ANKRD26: variants seen among roughly 807,000 people sequenced by gnomAD.
The protein encoded by ANKRD26 is ankyrin repeat domain-containing protein 26.
Under a neutral mutation model 208.7 loss-of-function variants are expected in ANKRD26, and 141 were observed. The observed-to-expected ratio is 0.68, with a 90% CI of 0.59 to 0.78. ANKRD26 has a LOEUF of 0.78. ANKRD26 is among the 30% of genes least tolerant of loss of function. The pLI is 0.00. For missense variants in ANKRD26, 1,889 were observed against 1,938.7 expected (o/e 0.97, Z 0.48); for synonymous variants, 636 against 660.4 (o/e 0.96, Z 0.57).
At chr10:27,032,646 C>CA (rs2053909317) in intron 25 of ANKRD26, among the ~76,000 whole-genome samples, 1 of 143,840 alleles carries the variant, frequency 7.0e-6, no homozygotes, top group African/African-American at 2.6e-5. Context: ...AAAAAAAAAA[C>CA]AAAAAACAAA....
At chr10:27,061,674 C>T (rs180856077) in intron 12 of ANKRD26, among the ~76,000 whole-genome samples, 1 of 151,524 alleles carries the variant, frequency 6.6e-6, no homozygotes, top group African/African-American at 2.4e-5. Context: ...TCAAGCAATC[C>T]TCCTGCCTTA....
chr10:26,993,799 T>C (rs2052530978), intron 5 of ANKRD26, among the ~76,000 whole-genome samples: 1 of 152,214 alleles, frequency 6.6e-6, no homozygotes, highest in African/African-American at 2.4e-5. Context: ...CATGGAAGGC[T>C]GGAGCCATTG....
chr10:26,993,339 T>C (rs2134680545), intron 5 of ANKRD26, among the ~76,000 whole-genome samples: 1 of 152,328 alleles, frequency 6.6e-6, no homozygotes, highest in Admixed American at 6.5e-5. Context: ...ATAGGTGTCA[T>C]GCCAGTGCCT....
chr10:27,068,791 C>G (rs1239292203), intron 9 of ANKRD26, among the ~76,000 whole-genome samples: 1 of 145,256 alleles, frequency 6.9e-6, no homozygotes, highest in East Asian at 2.0e-4. Flanking sequence ...GTGGTCAGGA[C>G]AAAAATAGAG....
At chr10:27,071,376 G>A (rs1448631823) in intron 9 of ANKRD26, among the ~76,000 whole-genome samples, 2 of 149,026 alleles carry the variant, frequency 1.3e-5, no homozygotes, top group Admixed American at 1.3e-4. Flanking sequence ...GGGTTTCACC[G>A]TGTTGGCCAG....
At chr10:27,062,045 C>G (rs1008449376) in intron 12 of ANKRD26, 1 of 985,146 alleles carries the variant, frequency 1.0e-6, no homozygotes, top group Non-Finnish European at 1.2e-6. Flanking sequence ...GTTTCCTCAT[C>G]GTTAACTCCA....
chr10:27,075,391 G>T (rs969679080), intron 9 of ANKRD26, among the ~76,000 whole-genome samples: 5 of 152,148 alleles, frequency 3.3e-5, no homozygotes, highest in Non-Finnish European at 7.4e-5. Context: ...AGATAAAGGG[G>T]TGGAAAAAGA....
In ANKRD26 at chr10:27,040,276, C is replaced by G. The variant is rs570452485; in HGVS notation, c.2162-98G>C. On this transcript the variant is annotated intron_variant, in intron 20 of 33. Coordinates refer to ENST00000376087, the MANE Select transcript of ANKRD26 (RefSeq NM_014915.3). ...CACTCATTAAGACACTGACCAATTA[C>G]ATATTGAGGGCCTACAATGTGGAAG... 6 of 857,368 alleles carry G rather than the reference C, an allele frequency of 7.0e-6. No individual in the cohort carries two copies. The East Asian group carries it at 1.1e-4, about 15-fold the overall frequency. The allele number at this position is 857,368 out of a possible 1,614,324, so 53.1% of individuals were successfully genotyped here. A position where few individuals can be genotyped will look rare whatever the true frequency, so the allele number is the denominator to read the frequency against.
At chr10:27,075,913 C>A (rs2055682863) in intron 9 of ANKRD26, among the ~76,000 whole-genome samples, 1 of 152,184 alleles carries the variant, frequency 6.6e-6, no homozygotes, top group Non-Finnish European at 1.5e-5. Context: ...TCTCAGACCA[C>A]AGCAGAATAC....
downstream of ANKRD26, among the ~76,000 whole-genome samples, chr10:26,970,279 G>A (rs909874363): frequency 2.6e-5 from 4 of 152,122 alleles, no homozygotes; most frequent in Non-Finnish European, 5.9e-5. Flanking sequence ...GGGGCCTGGC[G>A]AAAGGTGATT....
chr10:26,974,638 C>T (rs965359811), exon 6 of ANKRD26, among the ~76,000 whole-genome samples: 1 of 152,330 alleles, frequency 6.6e-6, no homozygotes, highest in Non-Finnish European at 1.5e-5. Context: ...CCGTGCCCGG[C>T]CTACCTCTGC....
chr10:27,077,642 T>C lies in ANKRD26; in HGVS notation c.865A>G (p.Arg289Gly). The C allele has an allele frequency of 6.2e-7, 1 of 1,613,502 alleles. No individual in the cohort carries two copies. Among genetic ancestry groups the C allele is most frequent in the South Asian group, 1.1e-5 (1 of 91,046 alleles). The stretch of plus-strand genomic sequence containing the variant: ...TTTTCAAACAGCTTACAATTTTTCC[T>C]GGATTGCTGAGAAGCAGTCATTAGC... ...AKLMTASQQS[R>G]KNLEATYGTV... is the part of the protein sequence containing the mutation. The change falls in exon 8 of 34, where the codon AGG becomes GGG. Residue 289 changes from arginine (R) to glycine (G), a missense_variant. Arg to Gly is a moderately radical substitution (Grantham distance 125). This residue lies in a region of ANKRD26 where 1,272 missense variants were observed against 1,273.8 expected (regional missense o/e 1.00). Coordinates refer to ENST00000376087, the MANE Select transcript of ANKRD26 (RefSeq NM_014915.3).
At position 27,006,939 on chromosome 10, in the gene ANKRD26, A is replaced by AT. The variant is rs762275496; in HGVS notation, c.4976dup (p.Asn1659LysfsTer4). The AT allele has an allele frequency of 1.9e-6, 3 of 1,610,032 alleles. No homozygotes were observed. The highest frequency in any genetic ancestry group is 1.1e-5 in the South Asian group (1 of 90,904). On this transcript the variant is annotated frameshift_variant, in exon 33 of 34. Coordinates refer to ENST00000376087, the MANE Select transcript of ANKRD26 (RefSeq NM_014915.3). LOFTEE classifies it low-confidence loss of function (END_TRUNC). ...TACCTTCTTTGAGTTCTCTAGTTATATTTTTTTCCAACTCCTGCTGCATCT... is the reference window on the plus strand; with the variant it reads ...TACCTTCTTTGAGTTCTCTAGTTATATTTTTTTTCCAACTCCTGCTGCATCT...
At chr10:26,949,650 G>T in the ANKRD26 span, among the ~76,000 whole-genome samples, 1 of 152,096 alleles carries the variant, frequency 6.6e-6, no homozygotes, top group Non-Finnish European at 1.5e-5. Context: ...GATTACAGGT[G>T]CCTGCCACCA....
intron 6 of ANKRD26, chr10:27,081,062 T>A (rs1273080361): frequency 2.0e-6 from 1 of 511,992 alleles, no homozygotes; most frequent in African/African-American, 2.1e-5. Context: ...TATAGTACAT[T>A]CCTACTGGCT....
chr10:26,971,979 T>C (rs1159851401), downstream of ANKRD26, among the ~76,000 whole-genome samples: 2 of 152,178 alleles, frequency 1.3e-5, no homozygotes, highest in African/African-American at 4.8e-5. Context: ...CTCACGCCTG[T>C]AATCCCAGCA....
At position 27,092,561 on chromosome 10, in the gene ANKRD26, C is replaced by T. The variant is rs770656458; in HGVS notation, c.532-49G>A. On this transcript the variant is annotated intron_variant, in intron 3 of 33. Coordinates refer to ENST00000376087, the MANE Select transcript of ANKRD26 (RefSeq NM_014915.3). ...AAAATGCATAAAATTACATAATTCT[C>T]GGCTGAACTGAAAACTCTATGTCAG... 14 of 1,370,858 alleles carry T rather than the reference C, an allele frequency of 1.0e-5. No homozygotes were observed. In the South Asian group the frequency reaches 1.2e-4, roughly 11 times the overall value. The allele number at this position is 1,370,858 out of a possible 1,614,324, so 84.9% of individuals were successfully genotyped here. A position where few individuals can be genotyped will look rare whatever the true frequency, so the allele number is the denominator to read the frequency against.
intron 29 of ANKRD26, among the ~76,000 whole-genome samples, chr10:27,021,362 C>T (rs1338116384): frequency 6.6e-6 from 1 of 152,158 alleles, no homozygotes; most frequent in Non-Finnish European, 1.5e-5. Flanking sequence ...GAAGAAACTC[C>T]ACATTGTTTT....
At chr10:27,008,582 C>T (rs2052975492) in intron 32 of ANKRD26, among the ~76,000 whole-genome samples, 1 of 152,012 alleles carries the variant, frequency 6.6e-6, no homozygotes, top group African/African-American at 2.4e-5. Context: ...TTTCTTTATA[C>T]TCTATTTACA....
Sources: allele counts gnomAD v4.1 joint callset (sites outside exome capture counted in the v4.1 genomes callset), GRCh38; gene constraint gnomAD v4.1.1; regional missense constraint gnomAD v4.1.1; transcripts MANE v1.5; gene names NCBI Gene and HGNC (gene_info 2026-07-23, HGNC 2026-07-21).